Variants in TENT4B observed in about 807,000 individuals in gnomAD.
TENT4B encodes the protein terminal nucleotidyltransferase 4B, also known as PAP associated domain containing 5.
In TENT4B, 10 loss-of-function variants were observed where a neutral mutation model predicts 75.0. The ratio of observed to expected loss-of-function variants is 0.13; its 90% CI spans 0.08 to 0.23. The LOEUF (loss-of-function observed/expected upper bound fraction) is 0.23, where lower values mean the gene tolerates loss of function less well. Among genes scored for constraint, TENT4B ranks in the 10% least tolerant of loss-of-function variants. The pLI is 1.00. For synonymous variants in TENT4B, 350 were observed against 357.7 expected (o/e 0.98, Z 0.24); for missense variants, 579 against 893.8 (o/e 0.65, Z 4.49).
rs192045552 is a variant in TENT4B at position 50,156,795 on chromosome 16, A to G, written c.638+2536A>G. Among the ~76,000 whole-genome samples, 687 of 152,162 alleles carry G rather than the reference A, an allele frequency of 4.5e-3. 6 individuals are homozygous for G. Among genetic ancestry groups the G allele is most frequent in the African/African-American group, 0.016 (659 of 41,506 alleles). ...TTAGCTTCCTGGAGTAGCTGGGACT[A>G]CAGGCACATGTCACCACACCTGCCT... On this transcript the variant is annotated intron_variant, in intron 1 of 11. Coordinates refer to ENST00000561678, the MANE Select transcript of TENT4B (RefSeq NM_001365324.3).
intron 1 of TENT4B, among the ~76,000 whole-genome samples, chr16:50,193,972 T>C (rs1465865782): frequency 6.6e-6 from 1 of 152,156 alleles, no homozygotes; most frequent in Non-Finnish European, 1.5e-5. Context: ...CCCTTTTTTA[T>C]AGATGCGGAG....
At chr16:50,188,391 T>C (rs1178172382) in intron 1 of TENT4B, among the ~76,000 whole-genome samples, 1 of 152,190 alleles carries the variant, frequency 6.6e-6, no homozygotes, top group African/African-American at 2.4e-5. Context: ...CCGTTCTTGA[T>C]TGTTAGTACA....
Position 50,181,817 on chromosome 16 carries a change from G to A in TENT4B, c.638+27558G>A, listed in dbSNP as rs114575351. ...GTCTTTCAGCCAAACTGCTGCAGAGGTGATGGAGATGAGGTGGGTACTCAG... is the reference window on the plus strand; with the variant it reads ...GTCTTTCAGCCAAACTGCTGCAGAGATGATGGAGATGAGGTGGGTACTCAG... On this transcript the variant is annotated intron_variant, in intron 1 of 11. Coordinates refer to ENST00000561678, the MANE Select transcript of TENT4B (RefSeq NM_001365324.3). Among the ~76,000 whole-genome samples, 645 of 152,272 alleles carry A rather than the reference G, an allele frequency of 4.2e-3. 5 individuals are homozygous for A. Among genetic ancestry groups the A allele is most frequent in the African/African-American group, 0.015 (624 of 41,552 alleles).
intron 4 of TENT4B, 116 bp downstream of exon 4, chr16:50,216,311 T>G (rs1225917279): frequency 2.0e-5 from 27 of 1,334,936 alleles, no homozygotes; most frequent in Non-Finnish European, 2.8e-5. Flanking sequence ...TTTCATTTTG[T>G]TAATGTCACC....
Position 50,225,366 on chromosome 16 carries a change from A to G in TENT4B, c.1800+81A>G, listed in dbSNP as rs532460898. ...GGGGTTAACACTGTCTCGAAGGCTA[A>G]GGCTACTTCCTTTGCTTACATGTTA... On this transcript the variant is annotated intron_variant, in intron 10 of 11. Transcript: ENST00000561678. 10 of 1,261,378 alleles carry G rather than the reference A, an allele frequency of 7.9e-6. No homozygotes were observed. In the East Asian group the frequency reaches 2.3e-4, roughly 30 times the overall value. 78.1% of individuals were successfully genotyped at this position (1,261,378 alleles called of 1,614,324 possible).
intron 1 of TENT4B, among the ~76,000 whole-genome samples, chr16:50,155,340 A>G (rs945992624): frequency 6.9e-6 from 1 of 144,362 alleles, no homozygotes; most frequent in African/African-American, 2.6e-5. Flanking sequence ...CCGGCTTTCA[A>G]ATTGCTTTTC....
Position 50,223,545 on chromosome 16 carries a change from AC to A in TENT4B, c.1381+159del, listed in dbSNP as rs567747628. ...TTCATGAGCAAACATACTAAAATAA[AC>A]AGACACAGACAATAGAAAAACACCT... On this transcript the variant is annotated intron_variant, in intron 7 of 11. Transcript: ENST00000561678. The A allele has an allele frequency of 1.2e-4, 72 of 607,140 alleles. No homozygotes were observed. The East Asian group carries it at 1.9e-3, about 16-fold the overall frequency. 37.6% of individuals were successfully genotyped at this position (607,140 alleles called of 1,614,324 possible). A position where few individuals can be genotyped will look rare whatever the true frequency, so the allele number is the denominator to read the frequency against.
At chr16:50,227,721 A>C in intron 10 of TENT4B, 118 bp from the exon 11 acceptor site, 1 of 1,101,530 alleles carries the variant, frequency 9.1e-7, no homozygotes, top group Non-Finnish European at 1.3e-6. Flanking sequence ...GCTTCTTTTA[A>C]CTCCCAAATG....
intron 1 of TENT4B, among the ~76,000 whole-genome samples, chr16:50,201,706 G>A (rs560650673): frequency 6.6e-6 from 1 of 152,094 alleles, no homozygotes; most frequent in East Asian, 1.9e-4. Flanking sequence ...AGCTGGATGT[G>A]GTAGTGCGCA....
At chr16:50,170,401 A>G (rs1189524289) in intron 1 of TENT4B, among the ~76,000 whole-genome samples, 2 of 152,224 alleles carry the variant, frequency 1.3e-5, no homozygotes, top group African/African-American at 4.8e-5. Flanking sequence ...CCTTATAGGA[A>G]GATTTCCTAC....
chr16:50,162,613 A>G lies in TENT4B; in HGVS notation c.638+8354A>G, dbSNP rs528953606. Among the ~76,000 whole-genome samples, 111 of 152,306 alleles carry G rather than the reference A, an allele frequency of 7.3e-4. 6 individuals carry two copies. Among genetic ancestry groups the G allele is most frequent in the South Asian group, 2.1e-4 (1 of 4,832 alleles). Reference sequence around the variant, plus strand: ...ATCTTGGCAGTATTGAACTTTCTCAATGAAAAATCTCTAAAATTGTGACTT... The same window carrying G: ...ATCTTGGCAGTATTGAACTTTCTCAGTGAAAAATCTCTAAAATTGTGACTT... On this transcript the variant is annotated intron_variant, in intron 1 of 11. Coordinates refer to ENST00000561678, the MANE Select transcript of TENT4B (RefSeq NM_001365324.3).
intron 1 of TENT4B, among the ~76,000 whole-genome samples, chr16:50,196,413 C>G (rs1038682840): frequency 1.3e-5 from 2 of 151,836 alleles, no homozygotes; most frequent in Non-Finnish European, 2.9e-5. Flanking sequence ...TTGTTGTTAC[C>G]ACAGTATGAG....
intron 1 of TENT4B, among the ~76,000 whole-genome samples, chr16:50,155,274 T>G (rs75828708): frequency 3.1e-4 from 43 of 136,878 alleles, no homozygotes; most frequent in African/African-American, 1.3e-3. Flanking sequence ...GTCTCGTGGG[T>G]GTGTGTGTGT....
intron 8 of TENT4B, 28 bp downstream of exon 8, chr16:50,224,811 T>G (rs1269855608): frequency 1.9e-6 from 3 of 1,613,192 alleles, no homozygotes; most frequent in Non-Finnish European, 2.5e-6. Flanking sequence ...ACCAGCCCAT[T>G]GTGTCAAAAT....
At chr16:50,159,440 A>C (rs577808314) in intron 1 of TENT4B, among the ~76,000 whole-genome samples, 2 of 152,064 alleles carry the variant, frequency 1.3e-5, no homozygotes, top group African/African-American at 4.8e-5. Flanking sequence ...GGGTTTCTCC[A>C]TGTTGGTCAG....
intron 3 of TENT4B, 59 bp from the exon 4 acceptor site, chr16:50,216,016 T>C: frequency 6.2e-7 from 1 of 1,603,630 alleles, no homozygotes; most frequent in Non-Finnish European, 8.5e-7. Context: ...AGCATGAGTG[T>C]CAGTTAAAAC....
At position 50,170,058 on chromosome 16, in the gene TENT4B, C is replaced by CT. The variant is rs796701251; in HGVS notation, c.638+15810dup. Among the ~76,000 whole-genome samples the CT allele has an allele frequency of 1.7e-3, 257 of 147,686 alleles. 3 individuals are homozygous for CT. Among genetic ancestry groups the CT allele is most frequent in the African/African-American group, 5.1e-3 (205 of 40,502 alleles). The stretch of plus-strand genomic sequence containing the variant: ...TGTTTCTTCAACTTGTGCTAATATT[C>CT]TTTTTTTTTTTGAGATGGAGTCTCA... On this transcript the variant is annotated intron_variant, in intron 1 of 11. Coordinates refer to ENST00000561678, the MANE Select transcript of TENT4B (RefSeq NM_001365324.3).
chr16:50,184,674 A>C (rs1158787203), intron 1 of TENT4B, among the ~76,000 whole-genome samples: 1 of 151,244 alleles, frequency 6.6e-6, no homozygotes, highest in Non-Finnish European at 1.5e-5. Context: ...CTCAAAAAGA[A>C]AAAAAAAAGA....
chr16:50,199,102 G>A (rs1028134710), intron 1 of TENT4B, among the ~76,000 whole-genome samples: 2 of 152,232 alleles, frequency 1.3e-5, no homozygotes, highest in African/African-American at 4.8e-5. Context: ...AGGAGGTGTG[G>A]TTTTTTGATA....
Sources: gnomAD v4.1 joint callset for allele counts (sites outside exome capture counted in the v4.1 genomes callset) on GRCh38, gnomAD v4.1.1 for gene constraint, MANE v1.5 for transcripts, NCBI Gene and HGNC (gene_info 2026-07-23, HGNC 2026-07-21) for gene names.